Variants in RYR2 observed in about 807,000 individuals in gnomAD.
RYR2 encodes cardiac muscle ryanodine receptor-calcium release channel.
A neutral mutation model predicts 601.1 loss-of-function variants in RYR2; 227 were observed. The ratio of observed to expected loss-of-function variants is 0.38; its 90% confidence interval spans 0.34 to 0.42. The LOEUF is 0.42. Among genes scored for constraint, RYR2 ranks in the 10% least tolerant of loss-of-function variants. The pLI is 1.00. For synonymous variants in RYR2, 2,223 were observed against 2,175.1 expected, an observed-to-expected ratio of 1.02 and a Z score of -0.61; for missense variants, 4,646 against 6,156.5, an observed-to-expected ratio of 0.75 and a Z score of 8.21.
At chr1:237,198,720 G>A (rs184525287) in intron 1 of RYR2, among the ~76,000 whole-genome samples, 66 of 152,194 alleles carry the variant, frequency 4.3e-4, no homozygotes, top group African/African-American at 1.5e-3. Context: ...GCAAAGGTCA[G>A]AATCTAATGA....
intron 17 of RYR2, among the ~76,000 whole-genome samples, chr1:237,483,749 G>A (rs1176374183): frequency 2.6e-5 from 4 of 151,904 alleles, no homozygotes; most frequent in Non-Finnish European, 4.4e-5. Flanking sequence ...CTTTTTACTC[G>A]TTATGTCACT....
intron 14 of RYR2, among the ~76,000 whole-genome samples, chr1:237,451,330 G>C (rs1037682045): frequency 6.6e-6 from 1 of 152,100 alleles, no homozygotes; most frequent in African/African-American, 2.4e-5. Flanking sequence ...TAGCACTTTT[G>C]GGAGGCTGAA....
At chr1:237,089,866 G>A (rs956080985) in intron 1 of RYR2, among the ~76,000 whole-genome samples, 2 of 152,150 alleles carry the variant, frequency 1.3e-5, no homozygotes, top group Non-Finnish European at 2.9e-5. Context: ...GGCTGGTGTG[G>A]TCGGCTGAAT....
In RYR2 at chr1:237,496,164, G is replaced by A. The variant is rs536675225; in HGVS notation, c.1962-347G>A. ...TCATGCCTGTTATTCCAGCACTTGG[G>A]AGGTCGAGGCAGGAGGATCACTTGA... On this transcript the variant is annotated intron_variant, in intron 19 of 104. Transcript: ENST00000366574. 1.1e-3 allele frequency among the ~76,000 whole-genome samples: 175 copies of A among 152,326 alleles called. 1 individual carries two copies. Among genetic ancestry groups the A allele is most frequent in the African/African-American group, 3.9e-3 (161 of 41,574 alleles).
At chr1:237,826,464 A>G (rs1036532076) in intron 101 of RYR2, among the ~76,000 whole-genome samples, 1 of 152,184 alleles carries the variant, frequency 6.6e-6, no homozygotes, top group Non-Finnish European at 1.5e-5. Context: ...GAGTTAAACA[A>G]TGGTAACACA....
intron 1 of RYR2, among the ~76,000 whole-genome samples, chr1:237,160,973 C>T (rs184476417): frequency 1.1e-4 from 16 of 152,104 alleles, no homozygotes; most frequent in South Asian, 2.1e-4. Context: ...ATTAGAGGTA[C>T]GGCCCACGGC....
chr1:237,373,694 G>A (rs781686237), intron 6 of RYR2, among the ~76,000 whole-genome samples: 18 of 152,208 alleles, frequency 1.2e-4, no homozygotes, highest in African/African-American at 2.4e-4. Context: ...TTAGGAACAC[G>A]TAAGGGTGGG....
At chr1:237,598,817 A>C (rs577185863) in intron 34 of RYR2, among the ~76,000 whole-genome samples, 3 of 152,336 alleles carry the variant, frequency 2.0e-5, no homozygotes, top group Admixed American at 6.5e-5. Flanking sequence ...AACAATAACG[A>C]AACAGAGACT....
At position 237,161,330 on chromosome 1, in the gene RYR2, G is replaced by C. The variant is rs569059409; in HGVS notation, c.49-109167G>C. ...CTTCCACACTGTATAAAACACCCCT[G>C]TCTTCCCTGTCAAGAAAATTTTGGG... On this transcript the variant is annotated intron_variant, in intron 1 of 104. Transcript: ENST00000366574. Among the ~76,000 whole-genome samples, 228 of 140,012 alleles carry C rather than the reference G, an allele frequency of 1.6e-3. 1 individual carries two copies. The highest frequency in any genetic ancestry group is 5.8e-3 in the African/African-American group (220 of 38,022). 91.9% of individuals were successfully genotyped at this position (140,012 alleles called of 152,430 possible).
intron 8 of RYR2, among the ~76,000 whole-genome samples, chr1:237,381,091 A>AT (rs1310653545): frequency 6.6e-6 from 1 of 151,968 alleles, no homozygotes; most frequent in African/African-American, 2.4e-5. Flanking sequence ...AAGAAAAAAA[A>AT]GAAATGATCT....
At chr1:237,807,904 G>T (rs931701720) in intron 99 of RYR2, among the ~76,000 whole-genome samples, 1 of 152,140 alleles carries the variant, frequency 6.6e-6, no homozygotes, top group Non-Finnish European at 1.5e-5. Context: ...TAGTATGGTC[G>T]AATTTCTGTG....
chr1:237,541,176 T>A (rs554128177), intron 25 of RYR2, among the ~76,000 whole-genome samples: 1 of 152,300 alleles, frequency 6.6e-6, no homozygotes, highest in East Asian at 1.9e-4. Context: ...GTGGGTAAAT[T>A]TCACAGACCA....
At chr1:237,349,210 A>G (rs1170168718) in intron 3 of RYR2, among the ~76,000 whole-genome samples, 3 of 152,184 alleles carry the variant, frequency 2.0e-5, no homozygotes, top group Non-Finnish European at 1.5e-5. Flanking sequence ...AAGTAACTGG[A>G]GGAGGGAACA....
rs947052066 is a variant in RYR2, at chr1:237,832,593, A to G, written c.14850A>G (p.Glu4950=). ...AGATGTATCAAGAAAGGTGTTGGGA[A>G]TTTTTCCCAGCAGGGGATTGCTTCC... ...VWKMYQERCW[E]FFPAGDCFRK... The change falls in exon 105 of 105, where the codon GAA becomes GAG. Residue 4950 remains glutamate, a synonymous_variant. Transcript: ENST00000366574. The G allele has an allele frequency of 1.9e-5, 31 of 1,613,010 alleles. No homozygotes were observed. The highest frequency in any genetic ancestry group is 2.5e-5 in the Non-Finnish European group (30 of 1,179,212).
intron 1 of RYR2, among the ~76,000 whole-genome samples, chr1:237,260,835 G>T (rs764126064): frequency 1.3e-5 from 2 of 152,096 alleles, no homozygotes; most frequent in Non-Finnish European, 2.9e-5. Context: ...AAAGGTCATG[G>T]AACAATGATA....
rs114220555 is a variant in RYR2 at position 237,142,603 on chromosome 1, A to T, written c.48+100034A>T. On this transcript the variant is annotated intron_variant, in intron 1 of 104. Coordinates refer to ENST00000366574, the MANE Select transcript of RYR2 (RefSeq NM_001035.3). ...CCAGGGTTCCTGCCACCCTGTGATG[A>T]GGAGCTCTTCATTGGTGGGGCAGTT... 4.9e-3 allele frequency among the ~76,000 whole-genome samples: 752 copies of T among 152,244 alleles called. 7 individuals carry two copies. Among genetic ancestry groups the T allele is most frequent in the South Asian group, 0.018 (88 of 4,820 alleles).
At chr1:237,643,202 A>T in intron 47 of RYR2, 125 bp from the exon 48 acceptor site, 1 of 1,166,886 alleles carries the variant, frequency 8.6e-7, no homozygotes, top group Non-Finnish European at 1.2e-6. Context: ...AGAGAGGCAT[A>T]ACTTTATGTA....
At chr1:237,680,945 T>A (rs1360742031) in intron 62 of RYR2, among the ~76,000 whole-genome samples, 1 of 152,246 alleles carries the variant, frequency 6.6e-6, no homozygotes, top group Non-Finnish European at 1.5e-5. Flanking sequence ...CAGCATTTAT[T>A]GTTCAGAAGA....
rs146761255 is a variant in RYR2 at position 237,560,126 on chromosome 1, T to A, written c.3215-6441T>A. Among the ~76,000 whole-genome samples the A allele has an allele frequency of 5.3e-3, 813 of 152,350 alleles. 3 individuals are homozygous for A. Among genetic ancestry groups the A allele is most frequent in the Non-Finnish European group, 9.4e-3 (638 of 68,042 alleles). Reference sequence around the variant, plus strand: ...TTCAGAGGTGTAAGCTTTCTCAGGTTTTTCCTGAATACATGCACAGCCCTG... The same window carrying A: ...TTCAGAGGTGTAAGCTTTCTCAGGTATTTCCTGAATACATGCACAGCCCTG... On this transcript the variant is annotated intron_variant, in intron 27 of 104. Coordinates refer to ENST00000366574, the MANE Select transcript of RYR2 (RefSeq NM_001035.3).
Sources: gnomAD v4.1 joint callset for allele counts (sites outside exome capture counted in the v4.1 genomes callset) on GRCh38, gnomAD v4.1.1 for gene constraint, MANE v1.5 for transcripts, NCBI Gene and HGNC (gene_info 2026-07-23, HGNC 2026-07-21) for gene names.